LYSMD2: variants seen among roughly 807,000 people sequenced by gnomAD.
LYSMD2 encodes the protein LysM domain containing 2, also known as lysM and putative peptidoglycan-binding domain-containing protein 2.
In LYSMD2, 6 loss-of-function variants were observed where a neutral mutation model predicts 17.7. The observed-to-expected ratio is 0.34, with a 90% CI of 0.19 to 0.67. The LOEUF is 0.67. Ranked by LOEUF, LYSMD2 falls within the 30% of genes least tolerant of loss-of-function variation. The pLI, the probability that LYSMD2 is intolerant of heterozygous loss-of-function variation, is 0.69. For missense variants in LYSMD2, 237 were observed against 286.7 expected, an observed-to-expected ratio of 0.83 and a Z score of 1.25; for synonymous variants, 102 against 129.8, an observed-to-expected ratio of 0.79 and a Z score of 1.45.
chr15:51,726,485 T>G (rs529261473), intron 1 of LYSMD2, among the ~76,000 whole-genome samples: 1 of 152,306 alleles, frequency 6.6e-6, no homozygotes, highest in African/African-American at 2.4e-5. Context: ...ATTCCTGCCC[T>G]GGGGAGCATC....
intron 1 of LYSMD2, among the ~76,000 whole-genome samples, chr15:51,734,748 T>C (rs1595851402): frequency 1.3e-5 from 2 of 152,382 alleles, no homozygotes; most frequent in East Asian, 3.9e-4. Flanking sequence ...TTTAAATATG[T>C]TGTAGATGGT....
Position 51,737,261 on chromosome 15 carries a change from G to T in LYSMD2, c.273+89C>A. 1 of 143,068 alleles carries T rather than the reference G, an allele frequency of 7.0e-6. No homozygotes were observed. The highest frequency in any genetic ancestry group is 1.4e-5 in the Non-Finnish European group (1 of 73,762). 8.9% of individuals were successfully genotyped at this position (143,068 alleles called of 1,614,324 possible). A position where few individuals can be genotyped will look rare whatever the true frequency, so the allele number is the denominator to read the frequency against. ...CCCATCCCCCAAACCCCCACCCGCA[G>T]TCCCACCCCCACCCCCACCGCACCC... On this transcript the variant is annotated intron_variant, in intron 1 of 2. Coordinates refer to ENST00000267838, the MANE Select transcript of LYSMD2 (RefSeq NM_153374.3). This position sits in a 1 kb window ranked among gnomAD's most constrained non-coding sequence, Gnocchi z 4.2.
At chr15:51,737,741 G>C (rs1444349425), upstream of LYSMD2, 8 of 770,002 alleles carry the variant, frequency 1.0e-5, no homozygotes, top group Non-Finnish European at 6.9e-6. This position sits in a 1 kb window ranked among gnomAD's most constrained non-coding sequence, Gnocchi z 4.2. Context: ...TTCCGCGGGG[G>C]CGGCGGACGG....
chr15:51,741,909 G>A (rs1401902658), upstream of LYSMD2, among the ~76,000 whole-genome samples: 2 of 151,074 alleles, frequency 1.3e-5, no homozygotes, highest in Admixed American at 6.6e-5. Context: ...AACAGAAGGA[G>A]ACTCTATCTC....
intron 1 of LYSMD2, among the ~76,000 whole-genome samples, chr15:51,735,165 C>T (rs1291612381): frequency 6.7e-6 from 1 of 149,542 alleles, no homozygotes; most frequent in Non-Finnish European, 1.5e-5. Flanking sequence ...CAGAGTGAGA[C>T]CCTGTCTCAA....
At chr15:51,739,369 T>C (rs2055632165), upstream of LYSMD2, among the ~76,000 whole-genome samples, 1 of 151,768 alleles carries the variant, frequency 6.6e-6, no homozygotes, top group Non-Finnish European at 1.5e-5. Flanking sequence ...TAATTACAAG[T>C]GGTTGAATTG....
chr15:51,726,758 T>G (rs1437196831), intron 1 of LYSMD2, among the ~76,000 whole-genome samples: 1 of 152,178 alleles, frequency 6.6e-6, no homozygotes, highest in Non-Finnish European at 1.5e-5. Context: ...TTGGAGTTTG[T>G]TTTTTGTTTA....
rs537479959 is a variant in LYSMD2, at chr15:51,737,040, C to T, written c.273+310G>A. Among the ~76,000 whole-genome samples, 1 of 152,332 alleles carries T rather than the reference C, an allele frequency of 6.6e-6. No individual in the cohort carries two copies. The highest frequency in any genetic ancestry group is 3.4e-3 in the Middle Eastern group (1 of 294). The stretch of plus-strand genomic sequence containing the variant: ...CCAAAGCCCTAGTCCTCTTCGGCCT[C>T]CCTCACGCGACAGATCTAGTCTGAG... On this transcript the variant is annotated intron_variant, in intron 1 of 2. Transcript: ENST00000267838. The surrounding 1 kb of genome is among the most constrained non-coding windows in gnomAD (Gnocchi z 4.2).
At chr15:51,750,934 A>G (rs2055696376) in intron 1 of LYSMD2, among the ~76,000 whole-genome samples, 1 of 152,104 alleles carries the variant, frequency 6.6e-6, no homozygotes, top group Admixed American at 6.6e-5. Flanking sequence ...CGGCCCAAGA[A>G]CTCCCTCGGA....
intron 1 of LYSMD2, among the ~76,000 whole-genome samples, chr15:51,729,708 TCG>T (rs2055564691): frequency 1.3e-5 from 2 of 152,250 alleles, no homozygotes; most frequent in African/African-American, 4.8e-5. Context: ...TCCACCTGCC[TCG>T]GTCTCCCAAA....
At position 51,723,196 on chromosome 15, in the gene LYSMD2, A is replaced by T. The variant is rs2055513797; in HGVS notation, c.*411T>A. 6.0e-6 allele frequency: 1 copy of T among 165,730 alleles called. No homozygotes were observed. The highest frequency in any genetic ancestry group is 2.4e-5 in the African/African-American group (1 of 41,542). The allele number at this position is 165,730 out of a possible 1,614,324, so 10.3% of individuals were successfully genotyped here. On this transcript the variant is annotated 3_prime_UTR_variant, in exon 3 of 3. Coordinates refer to ENST00000267838, the MANE Select transcript of LYSMD2 (RefSeq NM_153374.3). ...ATATCGAAATATATATATAGCACTT[A>T]AGTTATAAACACACAGCAAATTCAG...
At chr15:51,729,976 G>A (rs942134876) in intron 1 of LYSMD2, among the ~76,000 whole-genome samples, 42 of 152,172 alleles carry the variant, frequency 2.8e-4, no homozygotes, top group African/African-American at 9.9e-4. Flanking sequence ...ACTATCCTCT[G>A]TTTCTTAGGG....
At chr15:51,740,926 G>A (rs1281972691), upstream of LYSMD2, among the ~76,000 whole-genome samples, 4 of 152,198 alleles carry the variant, frequency 2.6e-5, no homozygotes, top group Non-Finnish European at 4.4e-5. Context: ...TACCATGTTT[G>A]TGAATGGGAA....
At chr15:51,727,407 T>C (rs1412919699) in intron 1 of LYSMD2, among the ~76,000 whole-genome samples, 2 of 152,238 alleles carry the variant, frequency 1.3e-5, no homozygotes, top group Non-Finnish European at 2.9e-5. Context: ...CAGTGTTCCC[T>C]TGGCCCTTCA....
intron 1 of LYSMD2, among the ~76,000 whole-genome samples, chr15:51,744,036 T>G (rs1301999428): frequency 1.3e-5 from 2 of 152,178 alleles, no homozygotes; most frequent in African/African-American, 2.4e-5. Flanking sequence ...TTTTGAAGTT[T>G]TTTGGACAAT....
intron 1 of LYSMD2, among the ~76,000 whole-genome samples, chr15:51,750,567 G>A (rs866360062): frequency 1.3e-5 from 2 of 152,254 alleles, no homozygotes; most frequent in African/African-American, 4.8e-5. Flanking sequence ...ACCTTAGACT[G>A]CCAAGATAAG....
intron 1 of LYSMD2, among the ~76,000 whole-genome samples, chr15:51,728,514 G>C (rs150507714): frequency 6.6e-6 from 1 of 151,784 alleles, no homozygotes; most frequent in East Asian, 1.9e-4. Context: ...AACAGGTAAG[G>C]GCAGATTCTA....
chr15:51,731,274 A>C (rs552198532), intron 1 of LYSMD2, among the ~76,000 whole-genome samples: 1 of 152,314 alleles, frequency 6.6e-6, no homozygotes, highest in Non-Finnish European at 1.5e-5. Flanking sequence ...GAGAATCTAC[A>C]AACACCCCGA....
intron 1 of LYSMD2, among the ~76,000 whole-genome samples, chr15:51,750,385 A>G (rs1377633925): frequency 1.3e-5 from 2 of 152,256 alleles, no homozygotes; most frequent in Non-Finnish European, 2.9e-5. Context: ...CGTGCCAGAC[A>G]GACTATAAAG....
Sources: gnomAD v4.1 joint callset for allele counts (sites outside exome capture counted in the v4.1 genomes callset) on GRCh38, gnomAD v4.1.1 for gene constraint, Gnocchi (gnomAD v3.1) non-coding constraint, MANE v1.5 for transcripts, NCBI Gene and HGNC (gene_info 2026-07-23, HGNC 2026-07-21) for gene names.